TANC1: variants seen among roughly 807,000 people sequenced by gnomAD.
TANC1 encodes the protein tetratricopeptide repeat, ankyrin repeat and coiled-coil containing 1.
Under a neutral mutation model 149.7 loss-of-function variants are expected in TANC1, and 77 were observed. The observed-to-expected ratio is 0.51, with a 90% CI of 0.43 to 0.62. The LOEUF (loss-of-function observed/expected upper bound fraction) is 0.62. Ranked by LOEUF, TANC1 falls within the 20% of genes least tolerant of loss-of-function variation. TANC1 has a pLI of 0.00. For missense variants in TANC1, 1,985 were observed against 2,321.8 expected (o/e 0.85, Z 2.98); for synonymous variants, 854 against 925.0 (o/e 0.92, Z 1.39).
Position 159,219,676 on chromosome 2 carries a change from T to C in TANC1, c.3503-16T>C, listed in dbSNP as rs779505430. On this transcript the variant is annotated splice_polypyrimidine_tract_variant and intron_variant, in intron 21 of 26. Coordinates refer to ENST00000263635, the MANE Select transcript of TANC1 (RefSeq NM_033394.3). ...TCTCATAATGTTCATGTTCTGTGAATGGGCTTTCCTTTCAGGTGCAGCCCT... is the reference window on the plus strand; with the variant it reads ...TCTCATAATGTTCATGTTCTGTGAACGGGCTTTCCTTTCAGGTGCAGCCCT... The C allele has an allele frequency of 3.7e-6, 6 of 1,613,990 alleles. No individual in the cohort carries two copies. In the South Asian group the frequency reaches 5.5e-5, roughly 15 times the overall value.
intron 3 of TANC1, among the ~76,000 whole-genome samples, chr2:159,080,659 C>T (rs904550146): frequency 6.6e-6 from 1 of 152,208 alleles, no homozygotes; most frequent in Non-Finnish European, 1.5e-5. Flanking sequence ...TCCCCAAAGG[C>T]CTAGGCTACG....
intron 2 of TANC1, among the ~76,000 whole-genome samples, chr2:159,032,540 G>A (rs2039865947): frequency 6.6e-6 from 1 of 152,156 alleles, no homozygotes; most frequent in Admixed American, 6.5e-5. Flanking sequence ...TGCATTTGGG[G>A]ATTGAAAGGC....
intron 3 of TANC1, among the ~76,000 whole-genome samples, chr2:159,077,502 T>G (rs1236743708): frequency 6.6e-6 from 1 of 152,232 alleles, no homozygotes; most frequent in Non-Finnish European, 1.5e-5. Flanking sequence ...ATATTTTCTG[T>G]GCTTCTGTGC....
At chr2:158,999,569 T>A (rs889687726) in intron 1 of TANC1, among the ~76,000 whole-genome samples, 6 of 152,202 alleles carry the variant, frequency 3.9e-5, no homozygotes, top group Non-Finnish European at 7.3e-5. Context: ...ATAAACTGCC[T>A]TGCTATTTTG....
chr2:158,971,336 A>G (rs1212771501), intron 1 of TANC1, among the ~76,000 whole-genome samples: 1 of 152,192 alleles, frequency 6.6e-6, no homozygotes, highest in Non-Finnish European at 1.5e-5. Flanking sequence ...ACCTAATTGT[A>G]AAGATTTTGT....
At chr2:159,033,966 A>G (rs1040367106) in intron 2 of TANC1, among the ~76,000 whole-genome samples, 7 of 152,224 alleles carry the variant, frequency 4.6e-5, no homozygotes, top group Non-Finnish European at 1.0e-4. Flanking sequence ...AACAAAAACA[A>G]AAACCCTATC....
intron 19 of TANC1, among the ~76,000 whole-genome samples, chr2:159,200,266 G>A (rs923858774): frequency 3.3e-5 from 5 of 152,174 alleles, no homozygotes; most frequent in African/African-American, 1.2e-4. Flanking sequence ...AGTGATAAGA[G>A]CCTCCTGGGG....
chr2:159,157,070 G>T (rs1165614455), intron 7 of TANC1, among the ~76,000 whole-genome samples: 2 of 152,236 alleles, frequency 1.3e-5, no homozygotes, highest in African/African-American at 4.8e-5. Flanking sequence ...AGCATACGGG[G>T]CTCCCAGAGC....
rs753751189 is a variant in TANC1 at position 159,185,791 on chromosome 2, G to A, written c.2511G>A (p.Arg837=). The part of the protein sequence containing the change: ...GENTAFLCEP[R]NGHALLAFMF... Reference sequence around the variant, plus strand: ...TGAGCCTTTGTATTCCTTCCCCTAGGAACGGGCACGCGCTCTTGGCATTCA... The same window carrying A: ...TGAGCCTTTGTATTCCTTCCCCTAGAAACGGGCACGCGCTCTTGGCATTCA... Residue 837 remains arginine (R), a splice_region_variant and synonymous_variant, in exon 15 of 27, where the codon AGG becomes AGA. Transcript: ENST00000263635. The A allele has an allele frequency of 1.9e-6, 3 of 1,612,760 alleles. No individual in the cohort carries two copies.
chr2:159,207,713 A>AAAAAC (rs1344952900), intron 19 of TANC1, among the ~76,000 whole-genome samples: 4 of 149,384 alleles, frequency 2.7e-5, no homozygotes, highest in East Asian at 1.9e-4. Context: ...AAAAAAAAAA[A>AAAAAC]AAAAAAAAAA....
At chr2:159,105,011 T>TTC (rs1559267227) in intron 4 of TANC1, among the ~76,000 whole-genome samples, 1 of 49,002 alleles carries the variant, frequency 2.0e-5, no homozygotes, top group Non-Finnish European at 4.1e-5. Context: ...TTTTTTTTTT[T>TTC]TGAGATGGAG....
intron 2 of TANC1, among the ~76,000 whole-genome samples, chr2:159,017,374 C>T (rs1559136395): frequency 6.6e-6 from 1 of 152,162 alleles, no homozygotes; most frequent in Admixed American, 6.5e-5. Flanking sequence ...TTATGCCAAA[C>T]AGCATTTGTG....
intron 2 of TANC1, among the ~76,000 whole-genome samples, chr2:159,064,091 G>A (rs971972853): frequency 6.6e-6 from 1 of 152,170 alleles, no homozygotes; most frequent in East Asian, 1.9e-4. Flanking sequence ...CCCCAAAGTT[G>A]GTTGGTTGAA....
intron 25 of TANC1, 165 bp from the exon 26 acceptor site, chr2:159,228,631 A>G (rs1479098034): frequency 1.4e-5 from 9 of 629,602 alleles, no homozygotes; most frequent in Non-Finnish European, 2.6e-5. Flanking sequence ...TTAATCAACC[A>G]TCATTATCTC....
At chr2:159,141,012 T>C (rs1559335263) in intron 5 of TANC1, among the ~76,000 whole-genome samples, 1 of 152,158 alleles carries the variant, frequency 6.6e-6, no homozygotes, top group Non-Finnish European at 1.5e-5. Context: ...ATTCTGAGCA[T>C]GGAAAGACTT....
intron 1 of TANC1, among the ~76,000 whole-genome samples, chr2:158,982,540 A>C (rs1573947469): frequency 6.6e-6 from 1 of 152,242 alleles, no homozygotes; most frequent in East Asian, 1.9e-4. Flanking sequence ...GATCAGAGCT[A>C]TCAAAACCAG....
At chr2:159,017,195 G>A (rs1452303900) in intron 2 of TANC1, among the ~76,000 whole-genome samples, 1 of 152,154 alleles carries the variant, frequency 6.6e-6, no homozygotes, top group African/African-American at 2.4e-5. Context: ...TTTATTATAT[G>A]GGACATACAG....
intron 7 of TANC1, chr2:159,150,757 A>G (rs1006863321): frequency 1.8e-5 from 9 of 510,348 alleles, no homozygotes; most frequent in African/African-American, 1.7e-4. Context: ...TGTTTACTTT[A>G]TAACAGTCAG....
At chr2:159,036,771 T>C (rs2040224937) in intron 2 of TANC1, among the ~76,000 whole-genome samples, 1 of 152,228 alleles carries the variant, frequency 6.6e-6, no homozygotes, top group Admixed American at 6.5e-5. Flanking sequence ...GATGGACATT[T>C]GGGTTGGTTC....
Sources: gnomAD v4.1 joint callset for allele counts (sites outside exome capture counted in the v4.1 genomes callset) on GRCh38, gnomAD v4.1.1 for gene constraint, MANE v1.5 for transcripts, NCBI Gene and HGNC (gene_info 2026-07-23, HGNC 2026-07-21) for gene names.